GLOD4: variants seen among roughly 807,000 people sequenced by gnomAD.
GLOD4 encodes glyoxalase domain containing 4, also known as glyoxalase domain-containing protein 4.
Under a neutral mutation model 39.1 loss-of-function variants are expected in GLOD4, and 44 were observed. The ratio of observed to expected loss-of-function variants is 1.13; its 90% CI spans 0.88 to 1.45. GLOD4 has a LOEUF of 1.45. Among genes scored for constraint, GLOD4 ranks in the 40% most tolerant of loss-of-function variants. The probability of loss-of-function intolerance (pLI) is 0.00; values close to 1 mark genes in which losing one functional copy is unlikely to be tolerated. For missense variants in GLOD4, 405 were observed against 366.4 expected, an observed-to-expected ratio of 1.11 and a Z score of -0.86; for synonymous variants, 145 against 135.0, an observed-to-expected ratio of 1.07 and a Z score of -0.52.
At chr17:767,117 A>T (rs894036151) in intron 8 of GLOD4, among the ~76,000 whole-genome samples, 3 of 152,266 alleles carry the variant, frequency 2.0e-5, no homozygotes, top group African/African-American at 4.8e-5. Context: ...CTTATGAGAT[A>T]GATCCTCTTA....
chr17:769,906 G>A lies in GLOD4; in HGVS notation c.794C>T (p.Ser265Phe), dbSNP rs999212353. Reference protein sequence around the residue: ...FVGDEAFRELSKMDPEGSKLL... With the variant: ...FVGDEAFRELFKMDPEGSKLL... ...TTTGCTTCCCTCTGGATCCATCTTAGAAAGTTCTCGAAATGCTTCATCCCC... is the reference window on the plus strand; with the variant it reads ...TTTGCTTCCCTCTGGATCCATCTTAAAAAGTTCTCGAAATGCTTCATCCCC... The change falls in exon 8 of 9, where the codon TCT becomes TTT. Residue 265 changes from serine to phenylalanine, a missense_variant. Ser to Phe is a radical substitution (Grantham distance 155). Coordinates refer to ENST00000301329, the MANE Select transcript of GLOD4 (RefSeq NM_016080.4). The A allele has an allele frequency of 1.9e-6, 3 of 1,610,668 alleles. No individual in the cohort carries two copies. The highest frequency in any genetic ancestry group is 2.5e-6 in the Non-Finnish European group (3 of 1,176,856).
At chr17:768,833 TGA>T (rs201040222) in intron 8 of GLOD4, among the ~76,000 whole-genome samples, 10 of 138,188 alleles carry the variant, frequency 7.2e-5, no homozygotes, top group South Asian at 2.3e-4. Context: ...GGAGAGGACG[TGA>T]GAGAGAGAAA....
At chr17:779,710 G>T (rs1201542425) in intron 1 of GLOD4, among the ~76,000 whole-genome samples, 2 of 151,990 alleles carry the variant, frequency 1.3e-5, no homozygotes, top group African/African-American at 4.8e-5. Context: ...ATTAGAATCT[G>T]AGTCTCAGTC....
upstream of GLOD4, chr17:782,791 C>G: frequency 7.7e-7 from 1 of 1,296,604 alleles, no homozygotes; most frequent in Non-Finnish European, 1.0e-6. Context: ...TCCAGTACAG[C>G]CCGCTGGTTT....
intron 3 of GLOD4, 82 bp from the exon 4 acceptor site, chr17:776,001 C>T: frequency 9.4e-7 from 1 of 1,059,506 alleles, no homozygotes; most frequent in Non-Finnish European, 1.4e-6. Flanking sequence ...ACCCCTATTG[C>T]CTACTGCCTT....
At position 778,717 on chromosome 17, in the gene GLOD4, C is replaced by T; in HGVS notation, c.118G>A (p.Gly40Ser). 6.2e-7 allele frequency: 1 copy of T among 1,603,824 alleles called. No individual in the cohort carries two copies. The highest frequency in any genetic ancestry group is 1.1e-5 in the South Asian group (1 of 90,870). Reference protein sequence around the residue: ...KVLRHEEFEEGCKAACNGPYD... With the variant: ...KVLRHEEFEESCKAACNGPYD... Reference sequence around the variant, plus strand: ...TACCCATTACAGGCAGCTTTGCAGCCTTCTTCAAATTCCTCATGCCGCAGA... The same window carrying T: ...TACCCATTACAGGCAGCTTTGCAGCTTTCTTCAAATTCCTCATGCCGCAGA... Residue 40 changes from glycine (G) to serine (S), a missense_variant, in exon 2 of 9, where the codon GGC becomes AGC. By Grantham distance (56) the Gly-to-Ser change is moderately conservative. Transcript: ENST00000301329.
At chr17:773,073 A>G (rs1908270760) in intron 4 of GLOD4, among the ~76,000 whole-genome samples, 1 of 152,220 alleles carries the variant, frequency 6.6e-6, no homozygotes, top group Non-Finnish European at 1.5e-5. Context: ...TTTGTTAACT[A>G]ATGTGCAAAT....
At chr17:772,859 C>T (rs590840) in intron 4 of GLOD4, among the ~76,000 whole-genome samples, 1 of 151,840 alleles carries the variant, frequency 6.6e-6, no homozygotes, top group Non-Finnish European at 1.5e-5. Context: ...GCCGGGCGTG[C>T]TGGCGGGCGC....
intron 1 of GLOD4, among the ~76,000 whole-genome samples, chr17:779,771 G>A (rs954454636): frequency 2.0e-5 from 3 of 152,190 alleles, no homozygotes; most frequent in Non-Finnish European, 4.4e-5. Context: ...ACAGAACCCT[G>A]CACACAGCGG....
chr17:780,287 A>G lies in GLOD4; in HGVS notation c.91-1543T>C, dbSNP rs189389254. On this transcript the variant is annotated intron_variant, in intron 1 of 8. Coordinates refer to ENST00000301329, the MANE Select transcript of GLOD4 (RefSeq NM_016080.4). The stretch of plus-strand genomic sequence containing the variant: ...TCCCATCACCACCCTGTTTAAGAAC[A>G]TAAGTGAGCTCCCATCTTACTGCAG... 2.6e-3 allele frequency among the ~76,000 whole-genome samples: 401 copies of G among 152,380 alleles called. 2 individuals carry two copies. The highest frequency in any genetic ancestry group is 9.3e-3 in the African/African-American group (388 of 41,592).
intron 4 of GLOD4, among the ~76,000 whole-genome samples, chr17:774,309 G>A (rs1210253104): frequency 6.6e-6 from 1 of 152,190 alleles, no homozygotes; most frequent in Non-Finnish European, 1.5e-5. Flanking sequence ...GGGACAGGAG[G>A]CCGACCAGTG....
chr17:785,331 C>T (rs1158700942), upstream of GLOD4, among the ~76,000 whole-genome samples: 1 of 151,980 alleles, frequency 6.6e-6, no homozygotes, highest in African/African-American at 2.4e-5. Flanking sequence ...AGCCTTTTTC[C>T]AATTTTTCTC....
intron 4 of GLOD4, among the ~76,000 whole-genome samples, chr17:772,691 A>C (rs1305662078): frequency 6.6e-6 from 1 of 152,226 alleles, no homozygotes; most frequent in Non-Finnish European, 1.5e-5. Flanking sequence ...AGAATGGTCA[A>C]ATAACATACG....
intron 8 of GLOD4, among the ~76,000 whole-genome samples, chr17:768,666 G>T (rs1282920251): frequency 7.3e-6 from 1 of 136,906 alleles, no homozygotes; most frequent in Non-Finnish European, 1.6e-5. Context: ...GAGAGGACGT[G>T]AGAGGGAGAA....
chr17:772,150 C>G (rs950234131), intron 4 of GLOD4, among the ~76,000 whole-genome samples: 7 of 128,472 alleles, frequency 5.4e-5, no homozygotes, highest in African/African-American at 2.1e-4. Context: ...GACTGCACTA[C>G]TGCACTCCAG....
chr17:778,831 C>G (rs774109671), intron 1 of GLOD4, 87 bp from the exon 2 acceptor site: 1 of 721,742 alleles, frequency 1.4e-6, no homozygotes, highest in South Asian at 1.7e-5. Context: ...AAAACACAAA[C>G]ATTATCATTT....
Position 761,016 on chromosome 17 carries a change from TAAGGACA to T in GLOD4, c.832-785_832-779del, listed in dbSNP as rs1394684344. Among the ~76,000 whole-genome samples the T allele has an allele frequency of 2.0e-5, 3 of 152,346 alleles. No individual in the cohort carries two copies. In the East Asian group the frequency reaches 5.8e-4, roughly 29 times the overall value. ...CACAAGCATCCCTTTCGTTGTTTAG[TAAGGACA>T]AACACTCATTTATGTAGTCAAAAAG... On this transcript the variant is annotated intron_variant, in intron 8 of 8. Coordinates refer to ENST00000301329, the MANE Select transcript of GLOD4 (RefSeq NM_016080.4).
chr17:782,606 C>T (rs75116507), upstream of GLOD4: 764 of 1,613,976 alleles, frequency 4.7e-4, 7 homozygotes, highest in African/African-American at 8.9e-3. Context: ...AACAACCGCT[C>T]GAGGAGTCCG....
At chr17:761,240 T>C (rs918219167) in intron 8 of GLOD4, among the ~76,000 whole-genome samples, 8 of 152,148 alleles carry the variant, frequency 5.3e-5, no homozygotes, top group Non-Finnish European at 1.2e-4. Context: ...GAGGTGGCAA[T>C]TGAAAAAGAA....
Sources: allele counts gnomAD v4.1 joint callset (sites outside exome capture counted in the v4.1 genomes callset), GRCh38; gene constraint gnomAD v4.1.1; transcripts MANE v1.5; gene names NCBI Gene and HGNC (gene_info 2026-07-23, HGNC 2026-07-21).